The following FBXL7 variants were observed in gnomAD, a reference collection of about 807,000 sequenced individuals.
FBXL7 encodes the protein F-box and leucine rich repeat protein 7.
Under a neutral mutation model 38.3 loss-of-function variants are expected in FBXL7, and 12 were observed. That is an observed-to-expected ratio of 0.31 (90% CI 0.20 to 0.51). The LOEUF (loss-of-function observed/expected upper bound fraction) is 0.51. Among genes scored for constraint, FBXL7 ranks in the 20% least tolerant of loss-of-function variants. The pLI, the probability that FBXL7 is intolerant of heterozygous loss-of-function variation, is 0.98. For synonymous variants in FBXL7, 297 were observed against 300.9 expected, an observed-to-expected ratio of 0.99 and a Z score of 0.13; for missense variants, 567 against 676.4, an observed-to-expected ratio of 0.84 and a Z score of 1.79.
intron 2 of FBXL7, among the ~76,000 whole-genome samples, chr5:15,762,099 G>C (rs1736463321): frequency 6.6e-6 from 1 of 152,126 alleles, no homozygotes; most frequent in South Asian, 2.1e-4. Context: ...TGGACACCCA[G>C]CGTTTGACTG....
At chr5:15,659,855 T>C in intron 2 of FBXL7, among the ~76,000 whole-genome samples, 1 of 152,236 alleles carries the variant, frequency 6.6e-6, no homozygotes. Context: ...TTATAGAAGA[T>C]ATACACCAAA....
intron 2 of FBXL7, among the ~76,000 whole-genome samples, chr5:15,826,320 A>G (rs1738307319): frequency 6.6e-6 from 1 of 152,232 alleles, no homozygotes; most frequent in Non-Finnish European, 1.5e-5. Flanking sequence ...CAGAGAAAGT[A>G]TTTAGCTTTA....
chr5:15,610,166 C>T lies in FBXL7; in HGVS notation c.38-5817C>T, dbSNP rs180877657. The stretch of plus-strand genomic sequence containing the variant: ...CCCACCAGGGGTCCCTCCCAGAACA[C>T]GCGGGAATTTTGGGAGCTACAATTC... On this transcript the variant is annotated intron_variant, in intron 1 of 3. Transcript: ENST00000504595. Among the ~76,000 whole-genome samples the T allele has an allele frequency of 4.6e-5, 7 of 152,324 alleles. No individual in the cohort carries two copies. The East Asian group carries it at 7.7e-4, about 17-fold the overall frequency.
chr5:15,823,346 A>G (rs1339997376), intron 2 of FBXL7, among the ~76,000 whole-genome samples: 4 of 152,242 alleles, frequency 2.6e-5, no homozygotes, highest in Admixed American at 6.5e-5. Flanking sequence ...TTTCAATAAC[A>G]AATCTCTGAG....
chr5:15,759,090 CTATA>C (rs1736374044), intron 2 of FBXL7, among the ~76,000 whole-genome samples: 3 of 152,174 alleles, frequency 2.0e-5, no homozygotes. Context: ...GAGGCACATA[CTATA>C]AGCCATTGAT....
chr5:15,928,604 A>T lies in FBXL7; in HGVS notation c.739+103A>T, dbSNP rs1741958381. 7 of 1,440,526 alleles carry T rather than the reference A, an allele frequency of 4.9e-6. No homozygotes were observed. The South Asian group carries it at 8.1e-5, about 17-fold the overall frequency. The allele number at this position is 1,440,526 out of a possible 1,614,324, so 89.2% of individuals were successfully genotyped here. A position where few individuals can be genotyped will look rare whatever the true frequency, so the allele number is the denominator to read the frequency against. Reference sequence around the variant, plus strand: ...GAGGGTCCTCTTCTTGCAAGCCATCAGAGATGGGGGCGGGTGGTAGGGAGG... The same window carrying T: ...GAGGGTCCTCTTCTTGCAAGCCATCTGAGATGGGGGCGGGTGGTAGGGAGG... On this transcript the variant is annotated intron_variant, in intron 3 of 3. Transcript: ENST00000504595. The surrounding 1 kb of genome is among the most constrained non-coding windows in gnomAD (Gnocchi z 4.0).
At position 15,937,627 on chromosome 5, in the gene FBXL7, C is replaced by G; in HGVS notation, c.*441C>G. On this transcript the variant is annotated 3_prime_UTR_variant, in exon 4 of 4. Coordinates refer to ENST00000504595, the MANE Select transcript of FBXL7 (RefSeq NM_012304.5). ...CAGAATCACAGTGCTCTCCAGACCT[C>G]CTCTCTAAACTGCTTCATTGACCTA... 1 of 173,916 alleles carries G rather than the reference C, an allele frequency of 5.7e-6. No individual in the cohort carries two copies. The highest frequency in any genetic ancestry group is 1.4e-4 in the South Asian group (1 of 7,150). The allele number at this position is 173,916 out of a possible 1,614,324, so 10.8% of individuals were successfully genotyped here. A position where few individuals can be genotyped will look rare whatever the true frequency, so the allele number is the denominator to read the frequency against.
At chr5:15,743,361 C>T (rs895425489) in intron 2 of FBXL7, among the ~76,000 whole-genome samples, 2 of 152,164 alleles carry the variant, frequency 1.3e-5, no homozygotes, top group African/African-American at 4.8e-5. Context: ...ATGGCTAAAA[C>T]AAAGGGGCTA....
chr5:15,746,106 G>T (rs961133919), intron 2 of FBXL7, among the ~76,000 whole-genome samples: 1 of 152,158 alleles, frequency 6.6e-6, no homozygotes, highest in Non-Finnish European at 1.5e-5. Context: ...GAGTGTGGTA[G>T]AATGATACTA....
chr5:15,875,256 A>C (rs896822249), intron 2 of FBXL7, among the ~76,000 whole-genome samples: 3 of 152,230 alleles, frequency 2.0e-5, no homozygotes, highest in Non-Finnish European at 4.4e-5. Flanking sequence ...TTACGCAAAA[A>C]TTAACTCCAG....
At chr5:15,891,953 C>T (rs559613049) in intron 2 of FBXL7, among the ~76,000 whole-genome samples, 19 of 152,202 alleles carry the variant, frequency 1.2e-4, no homozygotes, top group Non-Finnish European at 1.8e-4. Context: ...GGAACTCAGC[C>T]ACTGCCCAAA....
intron 2 of FBXL7, among the ~76,000 whole-genome samples, chr5:15,663,160 T>C (rs62347934): frequency 0.099 from 14,999 of 152,264 alleles, 792 homozygotes; most frequent in Middle Eastern, 0.16. Context: ...TTTGTTTGTG[T>C]CTTCTCTAAT....
chr5:15,570,401 A>C (rs956590652), intron 1 of FBXL7, among the ~76,000 whole-genome samples: 1 of 152,040 alleles, frequency 6.6e-6, no homozygotes, highest in Non-Finnish European at 1.5e-5. Flanking sequence ...GTATTCTCTG[A>C]TCGTAGTTTG....
chr5:15,928,636 T>G lies in FBXL7; in HGVS notation c.739+135T>G. ...GGGGCGGGTGGTAGGGAGGCTGGCT[T>G]TTGCAGAGAAACTGTCTCTATGGAA... On this transcript the variant is annotated intron_variant, in intron 3 of 3. Coordinates refer to ENST00000504595, the MANE Select transcript of FBXL7 (RefSeq NM_012304.5). The surrounding 1 kb of genome is among the most constrained non-coding windows in gnomAD (Gnocchi z 4.0). The G allele has an allele frequency of 8.7e-7, 1 of 1,145,284 alleles. No individual in the cohort carries two copies. The highest frequency in any genetic ancestry group is 1.2e-6 in the Non-Finnish European group (1 of 817,340). 70.9% of individuals were successfully genotyped at this position (1,145,284 alleles called of 1,614,324 possible).
At chr5:15,772,897 CTT>C (rs1736764667) in intron 2 of FBXL7, among the ~76,000 whole-genome samples, 2 of 145,034 alleles carry the variant, frequency 1.4e-5, no homozygotes, top group Non-Finnish European at 3.0e-5. Flanking sequence ...AATTGTGAGA[CTT>C]TGTTTTTTTT....
rs374195441 is a variant in FBXL7, at chr5:15,620,405, TG to T, written c.127+4334del. ...ATGCCACCACGCCCAGCTAATTTTT[TG>T]TTTTTTGTTTTTTTTTTTTTTTAAG... is the stretch of plus-strand genomic sequence containing the variant. On this transcript the variant is annotated intron_variant, in intron 2 of 3. Transcript: ENST00000504595. 3.5e-3 allele frequency among the ~76,000 whole-genome samples: 470 copies of T among 133,164 alleles called. 2 individuals are homozygous for T. Among genetic ancestry groups the T allele is most frequent in the African/African-American group, 0.011 (377 of 35,704 alleles). The allele number at this position is 133,164 out of a possible 152,430, so 87.4% of individuals were successfully genotyped here. A position where few individuals can be genotyped will look rare whatever the true frequency, so the allele number is the denominator to read the frequency against.
intron 1 of FBXL7, among the ~76,000 whole-genome samples, chr5:15,608,659 T>C (rs1294393191): frequency 6.6e-6 from 1 of 152,192 alleles, no homozygotes; most frequent in Non-Finnish European, 1.5e-5. Context: ...TTGAAGACCT[T>C]AGAAGCAAAT....
At chr5:15,567,530 A>C (rs147616299) in intron 1 of FBXL7, among the ~76,000 whole-genome samples, 76 of 152,020 alleles carry the variant, frequency 5.0e-4, no homozygotes, top group African/African-American at 1.8e-3. Context: ...GTTACTTGGG[A>C]ATCTAGATAA....
intron 1 of FBXL7, among the ~76,000 whole-genome samples, chr5:15,521,905 A>G (rs905226252): frequency 6.6e-6 from 1 of 152,248 alleles, no homozygotes; most frequent in Admixed American, 6.5e-5. Flanking sequence ...CTTCGTACTG[A>G]GCAAAGATGC....
Sources: gnomAD v4.1 joint callset for allele counts (sites outside exome capture counted in the v4.1 genomes callset) on GRCh38, gnomAD v4.1.1 for gene constraint, Gnocchi (gnomAD v3.1) non-coding constraint, MANE v1.5 for transcripts, NCBI Gene and HGNC (gene_info 2026-07-23, HGNC 2026-07-21) for gene names.